The following MAP4K5 variants were observed in gnomAD, a reference collection of about 807,000 sequenced individuals.
MAP4K5 encodes the protein MAPK/ERK kinase kinase kinase 5.
MAP4K5 carries 82 observed loss-of-function variants against 135.6 expected under a neutral mutation model. The ratio of observed to expected loss-of-function variants is 0.60; its 90% CI spans 0.51 to 0.73. The LOEUF (loss-of-function observed/expected upper bound fraction) is 0.73, where lower values mean the gene tolerates loss of function less well. Among genes scored for constraint, MAP4K5 ranks in the 30% least tolerant of loss-of-function variants. The pLI is 0.00. For synonymous variants in MAP4K5, 347 were observed against 335.0 expected (o/e 1.04, Z -0.39); for missense variants, 907 against 1,010.9 (o/e 0.90, Z 1.39).
intron 2 of MAP4K5, among the ~76,000 whole-genome samples, chr14:50,505,673 G>C (rs1244351214): frequency 1.3e-5 from 2 of 152,142 alleles, no homozygotes; most frequent in Non-Finnish European, 2.9e-5. Context: ...CTTATAATGG[G>C]TATGTTGCCA....
At chr14:50,464,516 G>T (rs1359605135) in intron 11 of MAP4K5, among the ~76,000 whole-genome samples, 1 of 152,142 alleles carries the variant, frequency 6.6e-6, no homozygotes, top group Non-Finnish European at 1.5e-5. Flanking sequence ...TAGGCATGGG[G>T]TAATATAAGA....
intron 13 of MAP4K5, among the ~76,000 whole-genome samples, chr14:50,460,436 C>T (rs1016507351): frequency 2.6e-5 from 4 of 151,996 alleles, no homozygotes; most frequent in African/African-American, 7.2e-5. Flanking sequence ...CCCAGCAAAA[C>T]GAGATAAAAA....
rs760700263 is a variant in MAP4K5 at position 50,475,141 on chromosome 14, C to T, written c.478G>A (p.Gly160Ser). The T allele has an allele frequency of 6.2e-7, 1 of 1,613,660 alleles. No homozygotes were observed. ...GTAGCTGTTATTTTTGCAGCCACAC[C>T]AAAGTCAGCTAGTGAGGAAAAAAAC... ...DHGDVKLADF[G>S]VAAKITATIA... Residue 160 changes from glycine (G) to serine (S), a missense_variant, in exon 9 of 33, where the codon GGT becomes AGT. Gly to Ser is a moderately conservative substitution (Grantham distance 56). Around this residue, in one of 3 missense-constraint regions of MAP4K5, gnomAD observed 21 missense variants for 44.2 expected, o/e 0.47. Coordinates refer to ENST00000682126, the MANE Select transcript of MAP4K5 (RefSeq NM_006575.6).
chr14:50,522,308 G>T (rs2038169090), intron 2 of MAP4K5, among the ~76,000 whole-genome samples: 1 of 151,810 alleles, frequency 6.6e-6, no homozygotes, highest in African/African-American at 2.4e-5. Flanking sequence ...ACTGTTTTAT[G>T]TCTATCTTCA....
chr14:50,547,408 C>T (rs2038647128), intron 1 of MAP4K5, among the ~76,000 whole-genome samples: 1 of 152,100 alleles, frequency 6.6e-6, no homozygotes, highest in Admixed American at 6.6e-5. Flanking sequence ...GTAGGGGAAG[C>T]ATTGGTGGAC....
intron 6 of MAP4K5, among the ~76,000 whole-genome samples, chr14:50,477,371 T>C (rs561279055): frequency 1.8e-4 from 28 of 152,348 alleles, no homozygotes; most frequent in African/African-American, 5.1e-4. Flanking sequence ...AGCTACTTTG[T>C]AGATTTTATT....
In MAP4K5 at chr14:50,506,014, C is replaced by T. The variant is rs542308884; in HGVS notation, c.109-1157G>A. 3.9e-5 allele frequency among the ~76,000 whole-genome samples: 6 copies of T among 152,082 alleles called. No homozygotes were observed. In the East Asian group the frequency reaches 5.8e-4, roughly 15 times the overall value. On this transcript the variant is annotated intron_variant, in intron 2 of 32. Transcript: ENST00000682126. ...GTGAGTGCTCATTTTCATCGTACCCCGTGGTACATCATATGTGGAAATGGA... is the reference window on the plus strand; with the variant it reads ...GTGAGTGCTCATTTTCATCGTACCCTGTGGTACATCATATGTGGAAATGGA...
chr14:50,499,644 A>C, intron 3 of MAP4K5, among the ~76,000 whole-genome samples: 1 of 151,952 alleles, frequency 6.6e-6, no homozygotes, highest in African/African-American at 2.4e-5. Flanking sequence ...GGCAACAGAA[A>C]GAGACCCTGT....
chr14:50,452,316 A>T (rs1368783070), intron 14 of MAP4K5, among the ~76,000 whole-genome samples: 1 of 152,154 alleles, frequency 6.6e-6, no homozygotes, highest in African/African-American at 2.4e-5. Flanking sequence ...AGAAATCTCA[A>T]ACTGAAGTTG....
At chr14:50,519,986 C>A (rs1454519430) in intron 2 of MAP4K5, among the ~76,000 whole-genome samples, 1 of 152,148 alleles carries the variant, frequency 6.6e-6, no homozygotes, top group Non-Finnish European at 1.5e-5. Context: ...GATTTGGATA[C>A]ATGAAGAGTT....
chr14:50,482,469 C>T lies in MAP4K5; in HGVS notation c.323-53G>A, dbSNP rs567486704. ...ATACATTTAAACCTAACATTAGAAA[C>T]AGTCTACTTAAAAAAAATGGCAAAC... On this transcript the variant is annotated intron_variant, in intron 5 of 32. Coordinates refer to ENST00000682126, the MANE Select transcript of MAP4K5 (RefSeq NM_006575.6). 114 of 1,228,672 alleles carry T rather than the reference C, an allele frequency of 9.3e-5. 2 individuals are homozygous for T. The highest frequency in any genetic ancestry group is 7.2e-4 in the South Asian group (49 of 68,490). The allele number at this position is 1,228,672 out of a possible 1,614,324, so 76.1% of individuals were successfully genotyped here.
chr14:50,526,368 C>G (rs2038265251), intron 2 of MAP4K5, among the ~76,000 whole-genome samples: 1 of 152,148 alleles, frequency 6.6e-6, no homozygotes, highest in Non-Finnish European at 1.5e-5. Flanking sequence ...GGCGCAATCT[C>G]AGCTCACTGC....
intron 26 of MAP4K5, among the ~76,000 whole-genome samples, chr14:50,435,266 T>C (rs1202560060): frequency 1.3e-5 from 2 of 152,244 alleles, no homozygotes; most frequent in Non-Finnish European, 2.9e-5. Flanking sequence ...AACTTGCATA[T>C]ACTAGGTTGT....
chr14:50,438,083 CG>C lies in MAP4K5; in HGVS notation c.1708+8del. The C allele has an allele frequency of 1.1e-6, 1 of 871,104 alleles. No homozygotes were observed. The highest frequency in any genetic ancestry group is 2.0e-6 in the Non-Finnish European group (1 of 506,912). 54.0% of individuals were successfully genotyped at this position (871,104 alleles called of 1,614,324 possible). On this transcript the variant is annotated splice_region_variant and intron_variant, in intron 24 of 32. Transcript: ENST00000682126. ...AATACAATTTTCGAGAAAAAGAAAACGTAATTACCTTCTAAAACGAGAGTCC... is the reference window on the plus strand; with the variant it reads ...AATACAATTTTCGAGAAAAAGAAAACTAATTACCTTCTAAAACGAGAGTCC...
rs189184689 is a variant in MAP4K5, at chr14:50,468,361, T to C, written c.674+290A>G. Reference sequence around the variant, plus strand: ...TACAGACAATTTACTCTTATGTTGTTTTAGGAGCAGCAATACAAGACAGGT... The same window carrying C: ...TACAGACAATTTACTCTTATGTTGTCTTAGGAGCAGCAATACAAGACAGGT... On this transcript the variant is annotated intron_variant, in intron 10 of 32. Transcript: ENST00000682126. The C allele has an allele frequency of 3.9e-5, 11 of 279,916 alleles. No individual in the cohort carries two copies. The South Asian group carries it at 7.8e-4, about 20-fold the overall frequency. The allele number at this position is 279,916 out of a possible 1,614,324, so 17.3% of individuals were successfully genotyped here. A position where few individuals can be genotyped will look rare whatever the true frequency, so the allele number is the denominator to read the frequency against.
chr14:50,419,838 G>T lies in MAP4K5; in HGVS notation c.*181C>A. ...TGATATAACCACCACACAGTGGCAA[G>T]AGATAGACTAGCTGTTTCCAGCTGC... On this transcript the variant is annotated 3_prime_UTR_variant, in exon 33 of 33. Transcript: ENST00000682126. 1.8e-6 allele frequency: 1 copy of T among 558,116 alleles called. No homozygotes were observed. The highest frequency in any genetic ancestry group is 3.0e-5 in the Admixed American group (1 of 33,780). 34.6% of individuals were successfully genotyped at this position (558,116 alleles called of 1,614,324 possible).
chr14:50,495,392 G>A (rs1474077109), intron 3 of MAP4K5, among the ~76,000 whole-genome samples: 1 of 152,088 alleles, frequency 6.6e-6, no homozygotes, highest in East Asian at 1.9e-4. Context: ...CCATTAGGAT[G>A]GCTACAATTA....
chr14:50,444,728 G>T (rs2036304024), intron 18 of MAP4K5, among the ~76,000 whole-genome samples: 1 of 152,078 alleles, frequency 6.6e-6, no homozygotes, highest in South Asian at 2.1e-4. Flanking sequence ...ATGTGTATGT[G>T]GGTATACCTT....
intron 2 of MAP4K5, among the ~76,000 whole-genome samples, chr14:50,527,055 C>T (rs1293141687): frequency 6.6e-6 from 1 of 152,024 alleles, no homozygotes; most frequent in Non-Finnish European, 1.5e-5. Flanking sequence ...AAAAATAGTA[C>T]TTTTGACTGG....
Sources: allele counts gnomAD v4.1 joint callset (sites outside exome capture counted in the v4.1 genomes callset), GRCh38; gene constraint gnomAD v4.1.1; regional missense constraint gnomAD v4.1.1; transcripts MANE v1.5; gene names NCBI Gene and HGNC (gene_info 2026-07-23, HGNC 2026-07-21).